Variants in LINC00632 observed in about 807,000 individuals in gnomAD.
LINC00632 encodes ALDOA related specific transcript.
chrX:140,778,923 C>T (rs1931904655), exon 5 of LINC00632, among the ~76,000 whole-genome samples: 1 of 111,522 alleles, frequency 9.0e-6, no homozygotes, highest in Non-Finnish European at 1.9e-5. Flanking sequence ...GTTAAAACAA[C>T]CTAAGAAGTA....
At chrX:140,741,961 G>A (rs1931230465) in intron 3 of LINC00632, among the ~76,000 whole-genome samples, 1 of 111,950 alleles carries the variant, frequency 8.9e-6, no homozygotes, top group Admixed American at 9.5e-5. Flanking sequence ...GGGAGATGGC[G>A]AACAACAGTT....
At chrX:140,753,768 C>CTTTTTTTTTTTTTTTTTTTTTTTT (rs752596283) in intron 3 of LINC00632, among the ~76,000 whole-genome samples, 11 of 49,733 alleles carry the variant, frequency 2.2e-4, no homozygotes, top group East Asian at 6.6e-4. Flanking sequence ...TTCTTTCTTT[C>CTTTTTTTTTTTTTTTTTTTTTTTT]TTTTTTTTTT....
chrX:140,753,718 GA>G (rs1420651198), intron 3 of LINC00632, among the ~76,000 whole-genome samples: 1 of 103,053 alleles, frequency 9.7e-6, no homozygotes, highest in African/African-American at 3.5e-5. Flanking sequence ...TCCAAATATT[GA>G]AAATGATACC....
intron 2 of LINC00632, among the ~76,000 whole-genome samples, chrX:140,732,925 G>A (rs914802829): frequency 9.0e-6 from 1 of 110,739 alleles, no homozygotes; most frequent in Non-Finnish European, 1.9e-5. Context: ...ACCACGCCTG[G>A]CTAATTTTTG....
At chrX:140,763,021 T>C (rs1354947433) in intron 3 of LINC00632, among the ~76,000 whole-genome samples, 1 of 112,007 alleles carries the variant, frequency 8.9e-6, no homozygotes, top group Non-Finnish European at 1.9e-5. Flanking sequence ...ATTTTTTGCA[T>C]GTATAAATTA....
chrX:140,735,755 C>T (rs527636895), intron 3 of LINC00632, among the ~76,000 whole-genome samples: 4 of 110,558 alleles, frequency 3.6e-5, no homozygotes, highest in South Asian at 7.7e-4. Context: ...TTAGCAGAGA[C>T]GGGGTTTTCC....
chrX:140,783,361 A>T, exon 5 of LINC00632: 1 of 428,879 alleles, frequency 2.3e-6, no homozygotes, highest in Non-Finnish European at 4.1e-6. Context: ...CCAGTAAATC[A>T]AGTCTTCCAG....
Position 140,747,897 on chromosome X carries a change from G to A in LINC00632, n.191+13933G>A, listed in dbSNP as rs190901724. Among the ~76,000 whole-genome samples, 153 of 111,508 alleles carry A rather than the reference G, an allele frequency of 1.4e-3. 2 individuals carry two copies. In the Middle Eastern group the frequency reaches 0.014, roughly 10 times the overall value. On this transcript the variant is annotated intron_variant and non_coding_transcript_variant, in intron 3 of 4. Transcript: ENST00000648200. ...GGCTGAAGTGCAATGGCGTGATCTCGGCTCACTGCAACCTCCGCCTCCTGG... is the reference window on the plus strand; with the variant it reads ...GGCTGAAGTGCAATGGCGTGATCTCAGCTCACTGCAACCTCCGCCTCCTGG...
At chrX:140,718,386 C>G (rs777997888) in intron 2 of LINC00632, among the ~76,000 whole-genome samples, 1 of 108,329 alleles carries the variant, frequency 9.2e-6, no homozygotes, top group South Asian at 4.1e-4. Context: ...TCCTATAACA[C>G]CCATCCCATA....
At chrX:140,782,956 T>C (rs1263962311) in exon 5 of LINC00632, 1 of 112,119 alleles carries the variant, frequency 8.9e-6, no homozygotes. Flanking sequence ...AATGTCTACA[T>C]CTGCTGTTGT....
intron 3 of LINC00632, among the ~76,000 whole-genome samples, chrX:140,771,374 A>C (rs750374008): frequency 1.9e-5 from 2 of 107,853 alleles, no homozygotes; most frequent in South Asian, 7.8e-4. Flanking sequence ...CAGTACCTAT[A>C]AATCAGTAAG....
intron 1 of LINC00632, among the ~76,000 whole-genome samples, chrX:140,710,540 G>C (rs1050637147): frequency 9.2e-6 from 1 of 109,203 alleles, no homozygotes; most frequent in African/African-American, 3.3e-5. Context: ...TTTTGAAAAG[G>C]GATGTGAGAT....
intron 2 of LINC00632, among the ~76,000 whole-genome samples, chrX:140,724,913 A>G (rs1331210966): frequency 1.4e-4 from 1 of 7,297 alleles, no homozygotes; most frequent in Non-Finnish European, 3.6e-4. Context: ...CACATTCCAT[A>G]TACACATACA....
chrX:140,748,880 A>AACAT (rs1556024934), intron 3 of LINC00632, among the ~76,000 whole-genome samples: 1 of 103,693 alleles, frequency 9.6e-6, no homozygotes, highest in Non-Finnish European at 1.9e-5. Flanking sequence ...TGTATATAAA[A>AACAT]ATATATAAAA....
exon 4 of LINC00632, among the ~76,000 whole-genome samples, chrX:140,773,219 AAG>A (rs1434187128): frequency 8.9e-6 from 1 of 111,762 alleles, no homozygotes; most frequent in African/African-American, 3.3e-5. Context: ...AAGAGAAGAG[AAG>A]AGAAGAGAAG....
chrX:140,785,179 A>AATAAT (rs199924557), exon 5 of LINC00632, among the ~76,000 whole-genome samples: 27,570 of 103,671 alleles, frequency 0.27, 2,933 homozygotes, highest in African/African-American at 0.37. Flanking sequence ...AAAGAATAAT[A>AATAAT]ATAATATAAT....
chrX:140,722,060 A>G (rs1449120155), intron 2 of LINC00632, among the ~76,000 whole-genome samples: 1 of 111,306 alleles, frequency 9.0e-6, no homozygotes, highest in Admixed American at 9.6e-5. Flanking sequence ...CAGACTGGCC[A>G]CAAAAAGCAT....
chrX:140,724,303 ATTC>A (rs1301210235), intron 2 of LINC00632, among the ~76,000 whole-genome samples: 16 of 78,630 alleles, frequency 2.0e-4, no homozygotes, highest in African/African-American at 5.5e-4. Context: ...ACACACACAC[ATTC>A]AGACACATTC....
rs1225162814 is a variant in LINC00632, at chrX:140,748,827, T to TTA, written n.191+14865_191+14866dup. Reference sequence around the variant, plus strand: ...TGATATATTTTATCTATGATATATTTTATCTATGATATATATATTTTATAT... The same window carrying TTA: ...TGATATATTTTATCTATGATATATTTTATATCTATGATATATATATTTTATAT... On this transcript the variant is annotated intron_variant and non_coding_transcript_variant, in intron 3 of 4. Transcript: ENST00000648200. 3.8e-5 allele frequency among the ~76,000 whole-genome samples: 4 copies of TTA among 104,840 alleles called. No homozygotes were observed. The East Asian group carries it at 1.1e-3, about 30-fold the overall frequency. The allele number at this position is 104,840 out of a possible 115,157, so 91.0% of individuals were successfully genotyped here. A position where few individuals can be genotyped will look rare whatever the true frequency, so the allele number is the denominator to read the frequency against.
Sources: gnomAD v4.1 joint callset for allele counts (sites outside exome capture counted in the v4.1 genomes callset) on GRCh38, gnomAD v4.1.1 for gene constraint, MANE v1.5 for transcripts, NCBI Gene and HGNC (gene_info 2026-07-23, HGNC 2026-07-21) for gene names.